The following KCNH7 variants were observed in gnomAD, a reference collection of about 807,000 sequenced individuals.
The protein encoded by KCNH7 is voltage-gated inwardly rectifying potassium channel KCNH7.
A neutral mutation model predicts 120.8 loss-of-function variants in KCNH7; 49 were observed. That is an observed-to-expected ratio of 0.41 (90% CI 0.32 to 0.51). The LOEUF is 0.51. Ranked by LOEUF, KCNH7 falls within the 20% of genes least tolerant of loss-of-function variation. KCNH7 has a pLI of 0.38. For synonymous variants in KCNH7, 547 were observed against 516.1 expected, an observed-to-expected ratio of 1.06 and a Z score of -0.81; for missense variants, 1,097 against 1,446.6, an observed-to-expected ratio of 0.76 and a Z score of 3.92.
intron 2 of KCNH7, among the ~76,000 whole-genome samples, chr2:162,588,318 T>G (rs188966643): frequency 6.6e-6 from 1 of 152,296 alleles, no homozygotes; most frequent in Non-Finnish European, 1.5e-5. Context: ...TGTAATAAGT[T>G]CTGTTTGATA....
intron 2 of KCNH7, among the ~76,000 whole-genome samples, chr2:162,673,704 A>G (rs910367974): frequency 6.6e-6 from 1 of 152,090 alleles, no homozygotes; most frequent in African/African-American, 2.4e-5. Context: ...ACAATCCTGT[A>G]ACATGAGGAA....
chr2:162,529,940 T>C (rs1015432504), intron 3 of KCNH7, among the ~76,000 whole-genome samples: 1 of 152,112 alleles, frequency 6.6e-6, no homozygotes, highest in East Asian at 2.0e-4. Context: ...TTATCAAAAT[T>C]TGATAGTAAG....
intron 14 of KCNH7, among the ~76,000 whole-genome samples, chr2:162,379,243 T>C (rs80196951): frequency 6.8e-4 from 104 of 152,268 alleles, no homozygotes; most frequent in Non-Finnish European, 1.2e-3. Context: ...TACCCACTCA[T>C]AGATTCTTTT....
intron 2 of KCNH7, among the ~76,000 whole-genome samples, chr2:162,560,169 G>C (rs1449150755): frequency 2.0e-5 from 3 of 152,176 alleles, no homozygotes; most frequent in African/African-American, 7.2e-5. Context: ...TGAAGTAAAT[G>C]TCAAATTGCA....
rs71410049 is a variant in KCNH7 at position 162,820,209 on chromosome 2, TTGTGTGTGTGTGTG to T, written c.307+16314_307+16327del. 6.1e-4 allele frequency among the ~76,000 whole-genome samples: 61 copies of T among 99,736 alleles called. 1 individual carries two copies. Among genetic ancestry groups the T allele is most frequent in the African/African-American group, 1.8e-4 (5 of 27,088 alleles). 65.4% of individuals were successfully genotyped at this position (99,736 alleles called of 152,430 possible). A position where few individuals can be genotyped will look rare whatever the true frequency, so the allele number is the denominator to read the frequency against. ...CGCCCAGCACCACGCCCGGCTAATTTTGTGTGTGTGTGTGTGTGTGTGTGTGTGTGTGTGTGTGT... is the reference window on the plus strand; with the variant it reads ...CGCCCAGCACCACGCCCGGCTAATTTTGTGTGTGTGTGTGTGTGTGTGTGT... On this transcript the variant is annotated intron_variant, in intron 2 of 15. Coordinates refer to ENST00000332142, the MANE Select transcript of KCNH7 (RefSeq NM_033272.4).
chr2:162,446,929 A>G (rs1688600609), intron 6 of KCNH7, among the ~76,000 whole-genome samples: 1 of 152,052 alleles, frequency 6.6e-6, no homozygotes, highest in Non-Finnish European at 1.5e-5. Flanking sequence ...ATTAAACCCA[A>G]CTCATTCAAA....
intron 8 of KCNH7, among the ~76,000 whole-genome samples, chr2:162,425,790 T>C (rs1298552637): frequency 1.3e-5 from 2 of 152,176 alleles, no homozygotes; most frequent in Admixed American, 1.3e-4. Flanking sequence ...AGATGTTATT[T>C]GGATGGTAGA....
chr2:162,683,203 G>T (rs564293274), intron 2 of KCNH7, among the ~76,000 whole-genome samples: 1 of 151,978 alleles, frequency 6.6e-6, no homozygotes, highest in African/African-American at 2.4e-5. Context: ...TATTTAAGTA[G>T]ATAGAGATTT....
intron 2 of KCNH7, among the ~76,000 whole-genome samples, chr2:162,671,421 G>A (rs1685351077): frequency 1.3e-5 from 2 of 148,238 alleles, no homozygotes; most frequent in South Asian, 4.3e-4. Flanking sequence ...AACATGCATA[G>A]AACTGGAGGA....
chr2:162,516,490 G>A (rs1285503036), intron 4 of KCNH7, among the ~76,000 whole-genome samples: 1 of 151,740 alleles, frequency 6.6e-6, no homozygotes, highest in African/African-American at 2.4e-5. Context: ...GTAGAATAGA[G>A]TATGTAATAG....
Position 162,400,350 on chromosome 2 carries a change from G to GC in KCNH7, c.2245dup (p.Ala749GlyfsTer3), listed in dbSNP as rs757276514. The GC allele has an allele frequency of 6.2e-7, 1 of 1,612,406 alleles. No homozygotes were observed. The highest frequency in any genetic ancestry group is 8.5e-7 in the Non-Finnish European group (1 of 1,178,990). On this transcript the variant is annotated frameshift_variant, in exon 10 of 16. Transcript: ENST00000332142. LOFTEE classifies it high-confidence loss of function. The stretch of plus-strand genomic sequence containing the variant: ...CAAAGCTCTAAGGCAACCTTTACTT[G>GC]CCCCCCGAAAGGCTTTGCAGTTTTG...
intron 2 of KCNH7, chr2:162,795,898 C>T (rs1316946890): frequency 2.6e-5 from 4 of 151,768 alleles, no homozygotes; most frequent in African/African-American, 7.3e-5. Flanking sequence ...AATTACAGTC[C>T]GATGTTGGGT....
chr2:162,404,935 T>C (rs1469131283), intron 9 of KCNH7, among the ~76,000 whole-genome samples: 1 of 152,060 alleles, frequency 6.6e-6, no homozygotes, highest in Non-Finnish European at 1.5e-5. Context: ...ATAACCTGAA[T>C]TTCCCACACT....
rs553929907 is a variant in KCNH7, at chr2:162,521,461, C to T, written c.464-3303G>A. Among the ~76,000 whole-genome samples the T allele has an allele frequency of 2.0e-5, 3 of 151,992 alleles. No individual in the cohort carries two copies. In the South Asian group the frequency reaches 6.2e-4, roughly 31 times the overall value. On this transcript the variant is annotated intron_variant, in intron 3 of 15. Coordinates refer to ENST00000332142, the MANE Select transcript of KCNH7 (RefSeq NM_033272.4). ...TGAACTCTATACCACGTCCTCTCTA[C>T]TTGATTTAACTCATTGATGAAATTT...
At chr2:162,746,626 A>C (rs1181609670) in intron 2 of KCNH7, among the ~76,000 whole-genome samples, 3 of 152,178 alleles carry the variant, frequency 2.0e-5, no homozygotes, top group Non-Finnish European at 2.9e-5. Flanking sequence ...AAGGTTTTGA[A>C]AGTTTAATGA....
intron 2 of KCNH7, among the ~76,000 whole-genome samples, chr2:162,734,943 T>G (rs1484482754): frequency 6.6e-6 from 1 of 152,194 alleles, no homozygotes; most frequent in Non-Finnish European, 1.5e-5. Context: ...AAAGAAATTT[T>G]GAATCCTGTT....
chr2:162,690,495 A>G (rs1686063626), intron 2 of KCNH7, among the ~76,000 whole-genome samples: 2 of 152,190 alleles, frequency 1.3e-5, no homozygotes, highest in South Asian at 4.1e-4. Flanking sequence ...TATTTAGTAT[A>G]CAATTAAATT....
rs117539874 is a variant in KCNH7, at chr2:162,494,696, G to C, written c.1128+9747C>G. On this transcript the variant is annotated intron_variant, in intron 6 of 15. Transcript: ENST00000332142. ...ATTTTGTCATTCACAGACAATTGTTGTCTTGCTTTGATCCTTTCCAAAAAA... is the reference window on the plus strand; with the variant it reads ...ATTTTGTCATTCACAGACAATTGTTCTCTTGCTTTGATCCTTTCCAAAAAA... Among the ~76,000 whole-genome samples, 62 of 152,178 alleles carry C rather than the reference G, an allele frequency of 4.1e-4. 1 individual carries two copies. In the East Asian group the frequency reaches 0.011, roughly 27 times the overall value.
chr2:162,520,613 A>G (rs1008876391), intron 3 of KCNH7, among the ~76,000 whole-genome samples: 1 of 151,562 alleles, frequency 6.6e-6, no homozygotes, highest in African/African-American at 2.4e-5. Flanking sequence ...AAACAACAAC[A>G]ACAAAAAAAA....
Sources: allele counts gnomAD v4.1 joint callset (sites outside exome capture counted in the v4.1 genomes callset), GRCh38; gene constraint gnomAD v4.1.1; transcripts MANE v1.5; gene names NCBI Gene and HGNC (gene_info 2026-07-23, HGNC 2026-07-21).